Variants in KCTD1 observed in about 807,000 individuals in gnomAD.
The protein encoded by KCTD1 is potassium channel tetramerization domain containing 1, also known as BTB/POZ domain-containing protein KCTD1.
Under a neutral mutation model 66.0 loss-of-function variants are expected in KCTD1, and 24 were observed. That is an observed-to-expected ratio of 0.36 (90% CI 0.26 to 0.51). The LOEUF (loss-of-function observed/expected upper bound fraction) is 0.51. KCTD1 is among the 20% of genes least tolerant of loss of function. The pLI is 0.95. For missense variants in KCTD1, 943 were observed against 1,205.2 expected, an observed-to-expected ratio of 0.78 and a Z score of 3.22; for synonymous variants, 511 against 517.2, an observed-to-expected ratio of 0.99 and a Z score of 0.16.
At chr18:26,550,173 T>G (rs1440801730), upstream of KCTD1, among the ~76,000 whole-genome samples, 1 of 152,174 alleles carries the variant, frequency 6.6e-6, no homozygotes, top group African/African-American at 2.4e-5. The surrounding 1 kb of genome is among the most constrained non-coding windows in gnomAD (Gnocchi z 5.4). Flanking sequence ...CAGCCTCGCC[T>G]GCTCCTCGGG....
upstream of KCTD1, among the ~76,000 whole-genome samples, chr18:26,641,636 T>C (rs1177633176): frequency 6.6e-6 from 1 of 152,112 alleles, no homozygotes; most frequent in Non-Finnish European, 1.5e-5. Flanking sequence ...GCAGTCCGTC[T>C]GGCATGCCAT....
intron 1 of KCTD1, among the ~76,000 whole-genome samples, chr18:26,602,839 AT>A (rs770191866): frequency 1.3e-4 from 20 of 152,254 alleles, no homozygotes; most frequent in Admixed American, 1.3e-4. Flanking sequence ...AAGGGCCTAA[AT>A]ATGAGAATAG....
chr18:26,546,397 C>T (rs1339301342), intron 1 of KCTD1, among the ~76,000 whole-genome samples: 2 of 152,186 alleles, frequency 1.3e-5, no homozygotes, highest in East Asian at 1.9e-4. Flanking sequence ...ACAGTGTTCT[C>T]GCAGTCTTTG....
At chr18:26,588,803 T>C (rs547351953) in intron 1 of KCTD1, among the ~76,000 whole-genome samples, 1 of 152,328 alleles carries the variant, frequency 6.6e-6, no homozygotes, top group South Asian at 2.1e-4. Flanking sequence ...GGAGACATCA[T>C]CCAATCCATT....
intron 1 of KCTD1, among the ~76,000 whole-genome samples, chr18:26,627,565 C>G: frequency 6.6e-6 from 1 of 152,124 alleles, no homozygotes; most frequent in African/African-American, 2.4e-5. Context: ...GAAAAATTCT[C>G]TTTTTGGAAC....
Position 26,548,247 on chromosome 18 carries a change from A to G in KCTD1, c.290T>C (p.Met97Thr). The change falls in exon 1 of 5, where the codon ATG (methionine) becomes ACG (threonine). Residue 97 changes from methionine to threonine, a missense_variant. By Grantham distance (81) the Met-to-Thr change is moderately conservative. Coordinates refer to ENST00000580059, the MANE Select transcript of KCTD1 (RefSeq NM_001142730.3). ...EDEEEEEEEE[M>T]GLDWDEPLEP... ...CAGGGGCTCGTCCCAGTCCAGCCCC[A>G]TCTCCTCCTCTTCCTCCTCCTCCTC... The G allele has an allele frequency of 6.6e-7, 1 of 1,507,248 alleles. No homozygotes were observed. The highest frequency in any genetic ancestry group is 2.6e-5 in the East Asian group (1 of 39,066). The allele number at this position is 1,507,248 out of a possible 1,614,324, so 93.4% of individuals were successfully genotyped here.
At chr18:26,509,168 A>C (rs929205059) in intron 1 of KCTD1, among the ~76,000 whole-genome samples, 10 of 151,850 alleles carry the variant, frequency 6.6e-5, no homozygotes, top group East Asian at 1.9e-4. Context: ...TAAAAAAAAA[A>C]AAACAAACTC....
At chr18:26,616,025 A>C (rs537693909) in intron 1 of KCTD1, among the ~76,000 whole-genome samples, 1 of 152,228 alleles carries the variant, frequency 6.6e-6, no homozygotes, top group South Asian at 2.1e-4. Flanking sequence ...TCCTGATCTC[A>C]GGTGATCCGC....
intron 1 of KCTD1, among the ~76,000 whole-genome samples, chr18:26,624,645 G>A (rs1448459642): frequency 6.6e-6 from 1 of 152,268 alleles, no homozygotes; most frequent in African/African-American, 2.4e-5. Flanking sequence ...GAAGTTTGCT[G>A]CAGTGGCGGA....
chr18:26,475,083 T>C (rs1452012024), intron 3 of KCTD1, among the ~76,000 whole-genome samples: 1 of 152,232 alleles, frequency 6.6e-6, no homozygotes, highest in East Asian at 1.9e-4. Flanking sequence ...CTCTGGACCC[T>C]ATTCTTCTCC....
intron 3 of KCTD1, among the ~76,000 whole-genome samples, chr18:26,461,797 C>T (rs928338262): frequency 1.3e-5 from 2 of 152,164 alleles, no homozygotes; most frequent in African/African-American, 4.8e-5. Context: ...AAACTTAGCA[C>T]AAGGAAGGAT....
upstream of KCTD1, chr18:26,549,706 T>G: frequency 1.0e-6 from 1 of 985,268 alleles, no homozygotes; most frequent in Non-Finnish European, 1.2e-6. Context: ...ATTCGGCAAT[T>G]CGGATCCGGA....
Position 26,455,683 on chromosome 18 carries a change from C to G in KCTD1, c.*60G>C. 2 of 1,596,448 alleles carry G rather than the reference C, an allele frequency of 1.3e-6. No homozygotes were observed. Among genetic ancestry groups the G allele is most frequent in the East Asian group, 2.2e-5 (1 of 44,864 alleles). ...CTGTCCCAACTGCACATAAATGTCCCTTTTTTGTTTGAGTTATTGGTTGTG... is the reference window on the plus strand; with the variant it reads ...CTGTCCCAACTGCACATAAATGTCCGTTTTTTGTTTGAGTTATTGGTTGTG... On this transcript the variant is annotated 3_prime_UTR_variant, in exon 5 of 5. Transcript: ENST00000580059.
upstream of KCTD1, among the ~76,000 whole-genome samples, chr18:26,630,273 A>G (rs1372720003): frequency 4.6e-5 from 7 of 152,192 alleles, no homozygotes; most frequent in Admixed American, 4.6e-4. Context: ...TTAACAAAGC[A>G]GTAAAAATTG....
chr18:26,504,710 G>A (rs1982941311), intron 1 of KCTD1, among the ~76,000 whole-genome samples: 1 of 152,092 alleles, frequency 6.6e-6, no homozygotes, highest in South Asian at 2.1e-4. Context: ...GGGGTTGGGG[G>A]GGCGATATTT....
chr18:26,600,335 A>T (rs62085483), intron 1 of KCTD1: 96,249 of 1,466,342 alleles, frequency 0.066, 3,508 homozygotes, highest in Admixed American at 0.084. Flanking sequence ...AATCTTCATG[A>T]TGCCTAGGAA....
At chr18:26,473,377 GGGAGGGGAACAACACA>G (rs1468599147) in intron 3 of KCTD1, among the ~76,000 whole-genome samples, 1 of 152,000 alleles carries the variant, frequency 6.6e-6, no homozygotes, top group African/African-American at 2.4e-5. Context: ...CATGGACAAA[GGGAGGGGAACAACACA>G]CACTGGGGCC....
chr18:26,600,248 C>G, intron 1 of KCTD1: 1 of 1,606,976 alleles, frequency 6.2e-7, no homozygotes, highest in South Asian at 1.1e-5. Context: ...CTGGGTGATG[C>G]CTTCCGCTGT....
chr18:26,546,639 T>A, intron 1 of KCTD1, 89 bp downstream of exon 1: 6 of 1,394,556 alleles, frequency 4.3e-6, no homozygotes, highest in Non-Finnish European at 5.7e-6. Flanking sequence ...TTTTAAAACT[T>A]CCCCCCTACC....
Sources: gnomAD v4.1 joint callset for allele counts (sites outside exome capture counted in the v4.1 genomes callset) on GRCh38, gnomAD v4.1.1 for gene constraint, Gnocchi (gnomAD v3.1) non-coding constraint, MANE v1.5 for transcripts, NCBI Gene and HGNC (gene_info 2026-07-23, HGNC 2026-07-21) for gene names.